The following DUXB variants were observed in gnomAD, a reference collection of about 807,000 sequenced individuals.
DUXB encodes the protein double homeobox B.
DUXB carries 22 observed loss-of-function variants against 8.9 expected under a neutral mutation model. The ratio of observed to expected loss-of-function variants is 2.46; its 90% confidence interval spans 1.76 to 3.52. The LOEUF is 3.52. Ranked by LOEUF, DUXB falls within the 30% of genes most tolerant of loss-of-function variation. DUXB has a pLI of 0.00. For synonymous variants in DUXB, 84 were observed against 37.6 expected, an observed-to-expected ratio of 2.23 and a Z score of -4.52; for missense variants, 237 against 108.7, an observed-to-expected ratio of 2.18 and a Z score of -5.25.
At chr16:75,697,968 C>T (rs751880631) in intron 2 of DUXB, among the ~76,000 whole-genome samples, 2 of 152,136 alleles carry the variant, frequency 1.3e-5, no homozygotes, top group Non-Finnish European at 2.9e-5. Context: ...AAACCATTAC[C>T]CACCCCCTCT....
rs1159275909 is a variant in DUXB, at chr16:75,698,599, T to A, written c.180+1416A>T. The A allele has an allele frequency of 2.0e-5, 3 of 152,194 alleles. 1 individual carries two copies. Among genetic ancestry groups the A allele is most frequent in the Non-Finnish European group, 4.4e-5 (3 of 68,054 alleles). The allele number at this position is 152,194 out of a possible 1,614,324, so 9.4% of individuals were successfully genotyped here. Reference sequence around the variant, plus strand: ...CTATTCACAGGCATGATCCCACTACTGGTCAGCATGAGAGTTTTGATCTGC... The same window carrying A: ...CTATTCACAGGCATGATCCCACTACAGGTCAGCATGAGAGTTTTGATCTGC... On this transcript the variant is annotated intron_variant, in intron 2 of 4. Transcript: ENST00000633875.
chr16:75,697,313 A>G (rs1312469604), intron 2 of DUXB, among the ~76,000 whole-genome samples: 1 of 152,242 alleles, frequency 6.6e-6, no homozygotes, highest in African/African-American at 2.4e-5. Context: ...ACTTCTTCAT[A>G]GGAAATATCA....
chr16:75,699,091 C>T (rs1036657899), intron 2 of DUXB, among the ~76,000 whole-genome samples: 3 of 152,140 alleles, frequency 2.0e-5, no homozygotes, highest in Admixed American at 6.5e-5. Context: ...AGTGATCTTC[C>T]ACTCTCAGCC....
chr16:75,697,259 C>G (rs1266990451), intron 2 of DUXB, among the ~76,000 whole-genome samples: 2 of 152,180 alleles, frequency 1.3e-5, no homozygotes, highest in African/African-American at 4.8e-5. Flanking sequence ...TCCCTCCCTC[C>G]TAGCAGGACT....
At chr16:75,695,492 GA>G (rs963365795) in intron 4 of DUXB, among the ~76,000 whole-genome samples, 22 of 152,194 alleles carry the variant, frequency 1.4e-4, no homozygotes, top group African/African-American at 4.8e-4. Flanking sequence ...TTAGGTAAAA[GA>G]AAATACTCCT....
At chr16:75,695,739 A>G (rs958397615) in intron 4 of DUXB, among the ~76,000 whole-genome samples, 1 of 152,228 alleles carries the variant, frequency 6.6e-6, no homozygotes, top group South Asian at 2.1e-4. Flanking sequence ...AATGTTCTCA[A>G]AATGGGTAGT....
At position 75,693,960 on chromosome 16, in the gene DUXB, G is replaced by C. The variant is rs1187118245; in HGVS notation, c.1007C>G (p.Ala336Gly). The change falls in exon 5 of 5, where the codon GCT (alanine) becomes GGT (glycine). Residue 336 changes from alanine (A) to glycine (G), a missense_variant. By Grantham distance (60) the Ala-to-Gly change is moderately conservative. Coordinates refer to ENST00000633875, the MANE Select transcript of DUXB (RefSeq NM_001351307.2). ...TGTCCCTTTGAGAGGGTCCCATTCAGCAAGCAGAGCCTGGCAGATCTCGTC... is the reference window on the plus strand; with the variant it reads ...TGTCCCTTTGAGAGGGTCCCATTCACCAAGCAGAGCCTGGCAGATCTCGTC... Reference protein sequence around the residue: ...RWDEICQALLAEWDPLKGTH With the variant: ...RWDEICQALLGEWDPLKGTH 2.5e-6 allele frequency: 1 copy of C among 400,340 alleles called. No individual in the cohort carries two copies. Among genetic ancestry groups the C allele is most frequent in the Non-Finnish European group, 4.4e-6 (1 of 227,610 alleles). The allele number at this position is 400,340 out of a possible 1,614,324, so 24.8% of individuals were successfully genotyped here.
chr16:75,696,250 G>A (rs1372506125), intron 3 of DUXB, 135 bp from the exon 4 acceptor site: 6 of 616,094 alleles, frequency 9.7e-6, no homozygotes, highest in African/African-American at 5.5e-5. Context: ...TCTGCAGCAG[G>A]ACCAAAAAGC....
At chr16:75,700,239 A>C in intron 1 of DUXB, 70 bp from the exon 2 acceptor site, 1 of 611,430 alleles carries the variant, frequency 1.6e-6, no homozygotes, top group Non-Finnish European at 2.9e-6. Context: ...ACTTTGATTA[A>C]ATTAATTTAT....
chr16:75,700,090 T>C lies in DUXB; in HGVS notation c.105A>G (p.Gln35=). The change falls in exon 2 of 5, where the codon CAA becomes CAG. Residue 35 remains glutamine (Q), a synonymous_variant. Transcript: ENST00000633875. ...SQKDILQSWF[Q]HDPFPDKAAR... is the part of the protein sequence containing the mutation. ...CAGCTTTATCAGGGAAAGGGTCATG[T>C]TGAAACCATGATTGGAGGATATCCT... is the stretch of plus-strand genomic sequence containing the variant. 1.4e-6 allele frequency: 1 copy of C among 702,944 alleles called. No individual in the cohort carries two copies. Among genetic ancestry groups the C allele is most frequent in the Non-Finnish European group, 2.6e-6 (1 of 384,982 alleles). The allele number at this position is 702,944 out of a possible 1,614,324, so 43.5% of individuals were successfully genotyped here. A position where few individuals can be genotyped will look rare whatever the true frequency, so the allele number is the denominator to read the frequency against.
intron 1 of DUXB, 22 bp from the exon 2 acceptor site, chr16:75,700,191 G>A (rs748083879): frequency 1.3e-5 from 9 of 685,990 alleles, no homozygotes; most frequent in South Asian, 1.2e-4. Flanking sequence ...AAAAGGGGGA[G>A]AATAGTGTGA....
Position 75,693,927 on chromosome 16 carries a change from T to C in DUXB, c.*2A>G. The C allele has an allele frequency of 7.5e-6, 3 of 399,472 alleles. No individual in the cohort carries two copies. Among genetic ancestry groups the C allele is most frequent in the Non-Finnish European group, 1.3e-5 (3 of 226,814 alleles). The allele number at this position is 399,472 out of a possible 1,614,324, so 24.7% of individuals were successfully genotyped here. ...TGTGCCTACTGCTGCCACAAGTCTG[T>C]CTCAGTGTGTCCCTTTGAGAGGGTC... On this transcript the variant is annotated 3_prime_UTR_variant, in exon 5 of 5. Transcript: ENST00000633875.
In DUXB at chr16:75,694,504, A is replaced by G. The variant is rs1388498737; in HGVS notation, c.463T>C (p.Ser155Pro). 1 of 702,978 alleles carries G rather than the reference A, an allele frequency of 1.4e-6. No individual in the cohort carries two copies. Among genetic ancestry groups the G allele is most frequent in the African/African-American group, 1.7e-5 (1 of 57,264 alleles). The allele number at this position is 702,978 out of a possible 1,614,324, so 43.5% of individuals were successfully genotyped here. The change falls in exon 5 of 5, where the codon TCT becomes CCT. Residue 155 changes from serine (S) to proline (P), a missense_variant. Physicochemically the swap from Ser to Pro is moderately conservative, Grantham distance 74 (BLOSUM62 -1). Transcript: ENST00000633875. ...ATTCTGCTCTTCTTGAGGTACAGAG[A>G]TCTTTGTTTCTGAAACCACATCTAA... is the stretch of plus-strand genomic sequence containing the variant. The part of the protein sequence containing the change: ...RIQMWFQKQR[S>P]LYLKKSRMEP...
At chr16:75,698,478 T>C (rs1959195552) in intron 2 of DUXB, 1 of 152,252 alleles carries the variant, frequency 6.6e-6, no homozygotes, top group Non-Finnish European at 1.5e-5. Context: ...TTAATTACTA[T>C]TTTCTCTGAT....
At chr16:75,695,255 A>C (rs1329002760) in intron 4 of DUXB, among the ~76,000 whole-genome samples, 1 of 152,218 alleles carries the variant, frequency 6.6e-6, no homozygotes, top group East Asian at 1.9e-4. Flanking sequence ...TCTCCCTCTA[A>C]CTGCAACAAT....
intron 2 of DUXB, among the ~76,000 whole-genome samples, chr16:75,697,469 A>T (rs931127045): frequency 2.0e-5 from 3 of 152,214 alleles, no homozygotes; most frequent in African/African-American, 4.8e-5. Context: ...ACAATAGATG[A>T]GGAGACTCCT....
In DUXB at chr16:75,694,051, C is replaced by G; in HGVS notation, c.916G>C (p.Glu306Gln). The stretch of plus-strand genomic sequence containing the variant: ...TTTAGAGGTTGTTGCTCCCTGTGCT[C>G]AGGTTCAGGCTGAGAATGGCTCTTG... ...QVKSHSQPEP[E>Q]HREQQPLNLG... is the part of the protein sequence containing the mutation. The change falls in exon 5 of 5, where the codon GAG (glutamate) becomes CAG (glutamine). Residue 306 changes from glutamate (E) to glutamine (Q), a missense_variant. Coordinates refer to ENST00000633875, the MANE Select transcript of DUXB (RefSeq NM_001351307.2). 2.5e-6 allele frequency: 1 copy of G among 405,198 alleles called. No individual in the cohort carries two copies. Among genetic ancestry groups the G allele is most frequent in the Non-Finnish European group, 4.3e-6 (1 of 230,808 alleles). The allele number at this position is 405,198 out of a possible 1,614,324, so 25.1% of individuals were successfully genotyped here.
intron 2 of DUXB, 128 bp from the exon 3 acceptor site, chr16:75,697,071 A>G (rs947639203): frequency 8.2e-6 from 5 of 613,132 alleles, no homozygotes; most frequent in Non-Finnish European, 1.5e-5. Context: ...GAGAAAGGCA[A>G]TCCATTATCC....
At chr16:75,698,530 T>A (rs1265615416) in intron 2 of DUXB, 3 of 152,244 alleles carry the variant, frequency 2.0e-5, no homozygotes, top group African/African-American at 7.2e-5. Context: ...CTTTCTTTAT[T>A]TGAGACAAAG....
Sources: gnomAD v4.1 joint callset for allele counts (sites outside exome capture counted in the v4.1 genomes callset) on GRCh38, gnomAD v4.1.1 for gene constraint, MANE v1.5 for transcripts, NCBI Gene and HGNC (gene_info 2026-07-23, HGNC 2026-07-21) for gene names.